Variants in IL15 observed in about 807,000 individuals in gnomAD.
IL15 encodes interleukin 15.
A neutral mutation model predicts 19.6 loss-of-function variants in IL15; 11 were observed. The ratio of observed to expected loss-of-function variants is 0.56; its 90% CI spans 0.35 to 0.93. The LOEUF (loss-of-function observed/expected upper bound fraction) is 0.93. Among genes scored for constraint, IL15 ranks in the 40% least tolerant of loss-of-function variants. The pLI is 0.01. For synonymous variants in IL15, 58 were observed against 59.6 expected (o/e 0.97, Z 0.12); for missense variants, 197 against 186.5 (o/e 1.06, Z -0.33).
chr4:141,659,963 T>C (rs1727735623), intron 2 of IL15, among the ~76,000 whole-genome samples: 1 of 152,176 alleles, frequency 6.6e-6, no homozygotes, highest in Non-Finnish European at 1.5e-5. Flanking sequence ...GTGATAGTTA[T>C]TCATGTCAGG....
chr4:141,706,222 G>C (rs1164524772), intron 2 of IL15, among the ~76,000 whole-genome samples: 1 of 151,646 alleles, frequency 6.6e-6, no homozygotes, highest in African/African-American at 2.4e-5. Flanking sequence ...CTTCTTGTTT[G>C]TATATGTGTT....
intron 4 of IL15, chr4:141,721,108 TA>T: frequency 6.6e-7 from 1 of 1,516,678 alleles, no homozygotes. Context: ...TATAGTTATA[TA>T]ATCTGACTCT....
At chr4:141,688,553 C>A (rs1728784036) in intron 2 of IL15, among the ~76,000 whole-genome samples, 2 of 152,150 alleles carry the variant, frequency 1.3e-5, no homozygotes, top group Non-Finnish European at 2.9e-5. Context: ...TTCACTGAAG[C>A]CACTATCTAT....
intron 2 of IL15, among the ~76,000 whole-genome samples, chr4:141,702,643 A>G (rs976624983): frequency 3.3e-5 from 5 of 152,212 alleles, no homozygotes; most frequent in African/African-American, 1.2e-4. Context: ...TCCTGAGAGC[A>G]GTGATATTCT....
chr4:141,637,857 A>G (rs1200018485), intron 1 of IL15, among the ~76,000 whole-genome samples: 1 of 152,228 alleles, frequency 6.6e-6, no homozygotes, highest in Non-Finnish European at 1.5e-5. Context: ...GTGGTGAAAG[A>G]GGCCATATTA....
chr4:141,659,122 T>C (rs1027792595), intron 2 of IL15, among the ~76,000 whole-genome samples: 2 of 152,052 alleles, frequency 1.3e-5, no homozygotes, highest in African/African-American at 4.8e-5. Context: ...GTGCTGGGAT[T>C]ACAGGCGTGA....
chr4:141,706,329 T>A (rs1729513759), intron 2 of IL15, among the ~76,000 whole-genome samples: 1 of 152,070 alleles, frequency 6.6e-6, no homozygotes, highest in Admixed American at 6.5e-5. Flanking sequence ...ATACTCCAGA[T>A]GTTTTCTCTT....
At chr4:141,706,865 A>G (rs966927465) in intron 2 of IL15, among the ~76,000 whole-genome samples, 1 of 152,106 alleles carries the variant, frequency 6.6e-6, no homozygotes, top group Non-Finnish European at 1.5e-5. Flanking sequence ...TGACAGTTTG[A>G]TAATCATGTG....
At chr4:141,716,602 C>A (rs992772222) in intron 2 of IL15, 1 of 152,312 alleles carries the variant, frequency 6.6e-6, no homozygotes, top group Non-Finnish European at 1.5e-5. Flanking sequence ...GGTAGAACCA[C>A]CACAGAGAGC....
intron 6 of IL15, among the ~76,000 whole-genome samples, chr4:141,729,593 A>G (rs1730383343): frequency 6.6e-6 from 1 of 151,988 alleles, no homozygotes; most frequent in Non-Finnish European, 1.5e-5. Context: ...ACTGGCCACT[A>G]TTTCTGCATT....
At chr4:141,720,928 A>G (rs968261533) in intron 4 of IL15, 2 of 554,094 alleles carry the variant, frequency 3.6e-6, no homozygotes, top group Non-Finnish European at 3.2e-6. Flanking sequence ...CCTGACACTG[A>G]CTCCTCCTAT....
intron 2 of IL15, among the ~76,000 whole-genome samples, chr4:141,671,935 C>T (rs561339644): frequency 6.6e-6 from 1 of 152,316 alleles, no homozygotes; most frequent in East Asian, 1.9e-4. Flanking sequence ...TGCAAACTAT[C>T]TACCACATAT....
chr4:141,665,170 G>C (rs1199764034), intron 2 of IL15, among the ~76,000 whole-genome samples: 1 of 151,886 alleles, frequency 6.6e-6, no homozygotes, highest in Non-Finnish European at 1.5e-5. Flanking sequence ...CATTAACTTA[G>C]AGAAATTAAT....
Position 141,692,952 on chromosome 4 carries a change from A to G in IL15, c.-99-26414A>G, listed in dbSNP as rs987273226. Among the ~76,000 whole-genome samples, 11 of 143,628 alleles carry G rather than the reference A, an allele frequency of 7.7e-5. 1 individual carries two copies. Among genetic ancestry groups the G allele is most frequent in the Non-Finnish European group, 1.5e-4 (10 of 66,696 alleles). 94.2% of individuals were successfully genotyped at this position (143,628 alleles called of 152,430 possible). Reference sequence around the variant, plus strand: ...ATTAGTCCATTTTCACACTTCTACAAAGGTACTACCTGAGCGCCACTGCAC... The same window carrying G: ...ATTAGTCCATTTTCACACTTCTACAGAGGTACTACCTGAGCGCCACTGCAC... On this transcript the variant is annotated intron_variant, in intron 2 of 7. Transcript: ENST00000320650.
rs12503010 is a variant in IL15, at chr4:141,691,339, G to T, written c.-99-28027G>T. 2.4e-3 allele frequency among the ~76,000 whole-genome samples: 366 copies of T among 152,172 alleles called. 10 individuals are homozygous for T. The highest frequency in any genetic ancestry group is 0.017 in the Admixed American group (261 of 15,272). ...ACACAAAGCCAAACATTATCATTCT[G>T]CCCATAGCACTGCCCAAATCTCATG... On this transcript the variant is annotated intron_variant, in intron 2 of 7. Coordinates refer to ENST00000320650, the MANE Select transcript of IL15 (RefSeq NM_000585.5).
In IL15 at chr4:141,727,994, C is replaced by T. The variant is rs1560940783; in HGVS notation, c.240+10C>T. On this transcript the variant is annotated intron_variant, in intron 6 of 7. Coordinates refer to ENST00000320650, the MANE Select transcript of IL15 (RefSeq NM_000585.5). ...GGAAAGTGATGTTCACGTGAGTATA[C>T]TTTTTTTCAAAATTGCTATTTGTCT... The T allele has an allele frequency of 6.3e-6, 8 of 1,275,148 alleles. No homozygotes were observed. Among genetic ancestry groups the T allele is most frequent in the Admixed American group, 2.1e-5 (1 of 47,874 alleles). The allele number at this position is 1,275,148 out of a possible 1,614,324, so 79.0% of individuals were successfully genotyped here. A position where few individuals can be genotyped will look rare whatever the true frequency, so the allele number is the denominator to read the frequency against.
chr4:141,680,114 C>T (rs901587234), intron 2 of IL15, among the ~76,000 whole-genome samples: 5 of 152,286 alleles, frequency 3.3e-5, no homozygotes, highest in African/African-American at 1.2e-4. Flanking sequence ...AGCTGTTTAT[C>T]TGTTTTTCTT....
At chr4:141,637,336 C>G (rs567637403) in intron 1 of IL15, 20 of 152,516 alleles carry the variant, frequency 1.3e-4, no homozygotes, top group African/African-American at 4.8e-4. Flanking sequence ...AATTATCGCC[C>G]TCTTCTTTGC....
intron 2 of IL15, among the ~76,000 whole-genome samples, chr4:141,690,226 C>T (rs760346317): frequency 6.6e-6 from 1 of 152,196 alleles, no homozygotes; most frequent in East Asian, 1.9e-4. Flanking sequence ...GCCCGGTTCC[C>T]GCTCGCACCT....
Sources: gnomAD v4.1 joint callset for allele counts (sites outside exome capture counted in the v4.1 genomes callset) on GRCh38, gnomAD v4.1.1 for gene constraint, MANE v1.5 for transcripts, NCBI Gene and HGNC (gene_info 2026-07-23, HGNC 2026-07-21) for gene names.